RHOJ: variants seen among roughly 807,000 people sequenced by gnomAD.
RHOJ encodes ras homolog family member J.
RHOJ carries 11 observed loss-of-function variants against 23.4 expected under a neutral mutation model. That is an observed-to-expected ratio of 0.47 (90% CI 0.30 to 0.78). The LOEUF (loss-of-function observed/expected upper bound fraction) is 0.78. RHOJ is among the 30% of genes least tolerant of loss of function. The probability of loss-of-function intolerance (pLI) is 0.08; values close to 1 mark genes in which losing one functional copy is unlikely to be tolerated. For synonymous variants in RHOJ, 102 were observed against 102.7 expected (o/e 0.99, Z 0.04); for missense variants, 254 against 273.4 (o/e 0.93, Z 0.50).
chr14:63,216,560 C>T (rs1413466581), intron 1 of RHOJ, among the ~76,000 whole-genome samples: 2 of 152,188 alleles, frequency 1.3e-5, no homozygotes, highest in Non-Finnish European at 2.9e-5. Context: ...AGGCTATGCT[C>T]TCTCTCCTCA....
Position 63,247,025 on chromosome 14 carries a change from C to A in RHOJ, c.179-22085C>A, listed in dbSNP as rs1418440900. On this transcript the variant is annotated intron_variant, in intron 1 of 4. Coordinates refer to ENST00000316754, the MANE Select transcript of RHOJ (RefSeq NM_020663.5). ...CAGCTCCATTTTACAGATTTTGAGA[C>A]AGAACTGGAAGGGGATTCAGAACAA... 2.6e-5 allele frequency among the ~76,000 whole-genome samples: 4 copies of A among 152,130 alleles called. No individual in the cohort carries two copies. In the East Asian group the frequency reaches 7.7e-4, roughly 29 times the overall value.
chr14:63,244,222 A>G (rs970863890), intron 1 of RHOJ, among the ~76,000 whole-genome samples: 1 of 152,246 alleles, frequency 6.6e-6, no homozygotes, highest in South Asian at 2.1e-4. Flanking sequence ...TTTAGCTGCT[A>G]TTGTTGCTAT....
At chr14:63,259,140 A>G (rs945208789) in intron 1 of RHOJ, among the ~76,000 whole-genome samples, 1 of 152,158 alleles carries the variant, frequency 6.6e-6, no homozygotes, top group Non-Finnish European at 1.5e-5. Flanking sequence ...GGATTTTGCC[A>G]TGTTGGCCAG....
chr14:63,272,921 G>A (rs1895497783), intron 2 of RHOJ, among the ~76,000 whole-genome samples: 1 of 152,218 alleles, frequency 6.6e-6, no homozygotes, highest in African/African-American at 2.4e-5. Flanking sequence ...TACTTGGGGG[G>A]CTGAGGCAGG....
At chr14:63,251,742 G>A (rs1454449988) in intron 1 of RHOJ, among the ~76,000 whole-genome samples, 1 of 152,204 alleles carries the variant, frequency 6.6e-6, no homozygotes, top group Admixed American at 6.5e-5. Flanking sequence ...TATTTAGTAA[G>A]TATTTTATAA....
intron 1 of RHOJ, among the ~76,000 whole-genome samples, chr14:63,212,265 G>C (rs1343222675): frequency 1.3e-5 from 2 of 152,172 alleles, no homozygotes; most frequent in African/African-American, 4.8e-5. Context: ...CTGTAAAGGA[G>C]GCTGGAGGGA....
At chr14:63,244,517 G>T (rs527686314) in intron 1 of RHOJ, among the ~76,000 whole-genome samples, 1 of 152,254 alleles carries the variant, frequency 6.6e-6, no homozygotes, top group African/African-American at 2.4e-5. Flanking sequence ...GGCAAAGGTT[G>T]TGGTGAGCCG....
At chr14:63,207,310 G>A (rs372878591) in intron 1 of RHOJ, among the ~76,000 whole-genome samples, 11 of 152,116 alleles carry the variant, frequency 7.2e-5, no homozygotes, top group African/African-American at 2.7e-4. Context: ...GATTACAGGC[G>A]TGAGCCACCG....
chr14:63,282,848 A>G (rs1190714486), intron 3 of RHOJ, among the ~76,000 whole-genome samples: 2 of 152,146 alleles, frequency 1.3e-5, no homozygotes, highest in African/African-American at 4.8e-5. Context: ...TTTTGAAAAA[A>G]CATCTGAGAT....
intron 1 of RHOJ, among the ~76,000 whole-genome samples, chr14:63,206,832 C>T (rs1894120416): frequency 6.6e-6 from 1 of 152,090 alleles, no homozygotes; most frequent in African/African-American, 2.4e-5. Context: ...ATTTTAGCTC[C>T]CAAGAAATCA....
chr14:63,269,406 A>G, intron 2 of RHOJ: 1 of 377,838 alleles, frequency 2.6e-6, no homozygotes, highest in Non-Finnish European at 4.7e-6. Flanking sequence ...CTTTTGACTG[A>G]TGACCATCAA....
intron 1 of RHOJ, among the ~76,000 whole-genome samples, chr14:63,268,032 G>C (rs1335739645): frequency 2.6e-5 from 4 of 152,212 alleles, no homozygotes; most frequent in Non-Finnish European, 5.9e-5. Flanking sequence ...CAGCAGGCTA[G>C]AGAATTTGGC....
intron 1 of RHOJ, among the ~76,000 whole-genome samples, chr14:63,259,918 CAA>C (rs1895244014): frequency 6.6e-6 from 1 of 152,008 alleles, no homozygotes; most frequent in Non-Finnish European, 1.5e-5. Flanking sequence ...GACTGAATAA[CAA>C]AGAGACAGGC....
intron 1 of RHOJ, among the ~76,000 whole-genome samples, chr14:63,226,941 A>G (rs2139743097): frequency 6.6e-6 from 1 of 152,304 alleles, no homozygotes; most frequent in African/African-American, 2.4e-5. Flanking sequence ...AATCCAAAAA[A>G]GGAAGTATGA....
chr14:63,225,167 G>A (rs1894568850), intron 1 of RHOJ, among the ~76,000 whole-genome samples: 1 of 151,950 alleles, frequency 6.6e-6, no homozygotes, highest in Non-Finnish European at 1.5e-5. Context: ...TAGCCAGGAT[G>A]GTCTCAATCT....
At chr14:63,266,979 A>T (rs895159059) in intron 1 of RHOJ, among the ~76,000 whole-genome samples, 4 of 151,974 alleles carry the variant, frequency 2.6e-5, no homozygotes, top group Non-Finnish European at 4.4e-5. Flanking sequence ...CACCCCTCAC[A>T]CTACCCCTGA....
intron 2 of RHOJ, among the ~76,000 whole-genome samples, chr14:63,279,788 TGTGGTGTCAAATTTGGCAATAA>T (rs1383380240): frequency 1.3e-5 from 2 of 152,234 alleles, no homozygotes; most frequent in Admixed American, 1.3e-4. Flanking sequence ...CTTCAAATAT[TGTGGTGTCAAATTTGGCAATAA>T]CTCTTGTTTT....
At chr14:63,217,177 G>A (rs573751007) in intron 1 of RHOJ, among the ~76,000 whole-genome samples, 5 of 149,866 alleles carry the variant, frequency 3.3e-5, no homozygotes, top group Non-Finnish European at 7.4e-5. Flanking sequence ...ATGCTGGTGC[G>A]CTGCACCCAC....
chr14:63,227,227 C>G (rs926324167), intron 1 of RHOJ, among the ~76,000 whole-genome samples: 1 of 152,178 alleles, frequency 6.6e-6, no homozygotes, highest in African/African-American at 2.4e-5. Flanking sequence ...GCTGGGATTA[C>G]AGGTGTGAGC....
Sources: gnomAD v4.1 joint callset for allele counts (sites outside exome capture counted in the v4.1 genomes callset) on GRCh38, gnomAD v4.1.1 for gene constraint, MANE v1.5 for transcripts, NCBI Gene and HGNC (gene_info 2026-07-23, HGNC 2026-07-21) for gene names.